NCOA3: variants seen among roughly 807,000 people sequenced by gnomAD.
NCOA3 encodes CBP-interacting protein.
In NCOA3, 51 loss-of-function variants were observed where a neutral mutation model predicts 158.8. The observed-to-expected ratio is 0.32, with a 90% CI of 0.26 to 0.41. NCOA3 has a LOEUF of 0.41. Among genes scored for constraint, NCOA3 ranks in the 10% least tolerant of loss-of-function variants. The pLI is 1.00. For missense variants in NCOA3, 1,510 were observed against 1,746.6 expected (o/e 0.86, Z 2.41); for synonymous variants, 537 against 592.4 (o/e 0.91, Z 1.36).
At chr20:47,579,153 A>G (rs527760147) in intron 1 of NCOA3, among the ~76,000 whole-genome samples, 3 of 152,188 alleles carry the variant, frequency 2.0e-5, no homozygotes. Context: ...ATAAAAACCT[A>G]AAACTAAAAC....
intron 1 of NCOA3, among the ~76,000 whole-genome samples, chr20:47,502,531 C>T (rs1294319968): frequency 1.3e-5 from 2 of 151,942 alleles, no homozygotes; most frequent in Non-Finnish European, 2.9e-5. Flanking sequence ...CTCACTTGGG[C>T]ATTTAAAAAA....
Position 47,651,109 on chromosome 20 carries a change from A to G in NCOA3, c.3779A>G (p.Gln1260Arg), listed in dbSNP as rs759744945. 11 of 1,609,020 alleles carry G rather than the reference A, an allele frequency of 6.8e-6. No individual in the cohort carries two copies. The South Asian group carries it at 1.1e-4, about 16-fold the overall frequency. The change falls in exon 20 of 23, where the codon CAG (glutamine) becomes CGG (arginine). Residue 1260 changes from glutamine to arginine, a missense_variant. Gln to Arg is a conservative substitution (Grantham distance 43). Transcript: ENST00000371998. Reference protein sequence around the residue: ...QQQQQQQQQQQQQQQQQQQQQ... With the variant: ...QQQQQQQQQQRQQQQQQQQQQ... ...CAGCAGCAACAGCAGCAGCAGCAGCAGCAGCAGCAGCAACAGCAACAGCAA... is the reference window on the plus strand; with the variant it reads ...CAGCAGCAACAGCAGCAGCAGCAGCGGCAGCAGCAGCAACAGCAACAGCAA...
Position 47,635,259 on chromosome 20 carries a change from C to A in NCOA3, c.1113-63C>A. On this transcript the variant is annotated intron_variant, in intron 10 of 22. Coordinates refer to ENST00000371998, the MANE Select transcript of NCOA3 (RefSeq NM_181659.3). ...TTTAAAATTTTATTTTATTTTAAAT[C>A]TGATTAAAAGCTTTCATGCATGCTT... The A allele has an allele frequency of 2.1e-6, 3 of 1,450,402 alleles. No individual in the cohort carries two copies. The East Asian group carries it at 6.9e-5, about 33-fold the overall frequency. The allele number at this position is 1,450,402 out of a possible 1,614,324, so 89.8% of individuals were successfully genotyped here. A position where few individuals can be genotyped will look rare whatever the true frequency, so the allele number is the denominator to read the frequency against.
intron 20 of NCOA3, 75 bp downstream of exon 20, chr20:47,651,351 A>C: frequency 6.6e-7 from 1 of 1,519,330 alleles, no homozygotes; most frequent in Non-Finnish European, 8.8e-7. Context: ...CATTTATTGC[A>C]CATGAAAGAC....
At chr20:47,619,083 T>C (rs529885283) in intron 2 of NCOA3, among the ~76,000 whole-genome samples, 1 of 152,346 alleles carries the variant, frequency 6.6e-6, no homozygotes, top group South Asian at 2.1e-4. Context: ...AGGTTGAATG[T>C]TGCTTTTATA....
intron 2 of NCOA3, among the ~76,000 whole-genome samples, chr20:47,600,122 G>GTGTGTA (rs1365619184): frequency 4.0e-5 from 6 of 150,552 alleles, no homozygotes; most frequent in African/African-American, 1.5e-4. Context: ...GTGTGTGTGT[G>GTGTGTA]TGTGTGTGTG....
intron 1 of NCOA3, among the ~76,000 whole-genome samples, chr20:47,527,220 T>G (rs1204344758): frequency 1.3e-5 from 2 of 152,180 alleles, no homozygotes; most frequent in Non-Finnish European, 2.9e-5. Flanking sequence ...TCTAGTACAT[T>G]GTTGAGTAGA....
At chr20:47,524,682 A>G (rs2084398326) in intron 1 of NCOA3, among the ~76,000 whole-genome samples, 1 of 152,228 alleles carries the variant, frequency 6.6e-6, no homozygotes, top group African/African-American at 2.4e-5. Flanking sequence ...CAAAGCCAAA[A>G]GAGGAGGTCC....
chr20:47,610,574 T>G lies in NCOA3; in HGVS notation c.-19-11655T>G, dbSNP rs2086026993. 2.0e-5 allele frequency among the ~76,000 whole-genome samples: 3 copies of G among 152,138 alleles called. No homozygotes were observed. The South Asian group carries it at 6.2e-4, about 31-fold the overall frequency. On this transcript the variant is annotated intron_variant, in intron 2 of 22. Coordinates refer to ENST00000371998, the MANE Select transcript of NCOA3 (RefSeq NM_181659.3). Reference sequence around the variant, plus strand: ...GAATTTAAAGTTATTTAATGATTACTGAAGAGTAATAAGCTGTGAGGTCAG... The same window carrying G: ...GAATTTAAAGTTATTTAATGATTACGGAAGAGTAATAAGCTGTGAGGTCAG...
At position 47,622,283 on chromosome 20, in the gene NCOA3, C is replaced by T. The variant is rs776967951; in HGVS notation, c.36C>T (p.Ala12=). ...SGLGENLDPL[A]SDSRKRKLPC... is the part of the protein sequence containing the mutation. ...TAGGAGAAAACTTGGATCCACTGGC[C>T]AGTGATTCACGAAAACGCAAATTGC... The change falls in exon 3 of 23, where the codon GCC becomes GCT. Residue 12 remains alanine (A), a synonymous_variant. Transcript: ENST00000371998. 8.1e-6 allele frequency: 13 copies of T among 1,606,376 alleles called. No individual in the cohort carries two copies. In the Admixed American group the frequency reaches 1.2e-4, roughly 15 times the overall value.
chr20:47,640,876 A>G (rs1210705026), intron 16 of NCOA3, among the ~76,000 whole-genome samples: 2 of 151,704 alleles, frequency 1.3e-5, no homozygotes, highest in Non-Finnish European at 2.9e-5. Flanking sequence ...CAACAGAGTG[A>G]GACTCCGTCT....
At chr20:47,575,652 T>C (rs2085362111) in intron 1 of NCOA3, among the ~76,000 whole-genome samples, 1 of 152,226 alleles carries the variant, frequency 6.6e-6, no homozygotes, top group Non-Finnish European at 1.5e-5. Context: ...CTGGTTTGGA[T>C]AAGAGCTAAT....
chr20:47,515,028 T>TA (rs60100539), intron 1 of NCOA3, among the ~76,000 whole-genome samples: 10,326 of 145,476 alleles, frequency 0.071, 451 homozygotes, highest in Middle Eastern at 0.16. Context: ...TCATTTGTGT[T>TA]AAAAAAAAAA....
chr20:47,573,792 C>A (rs964963936), intron 1 of NCOA3, among the ~76,000 whole-genome samples: 1 of 152,152 alleles, frequency 6.6e-6, no homozygotes, highest in African/African-American at 2.4e-5. Flanking sequence ...TTTTGAAGTG[C>A]CTTTCTTAGC....
At chr20:47,633,752 T>G in intron 9 of NCOA3, 116 bp downstream of exon 9, 1 of 1,204,834 alleles carries the variant, frequency 8.3e-7, no homozygotes, top group Non-Finnish European at 1.2e-6. Context: ...CTGCCTCAGC[T>G]TCTGAGTAGC....
Position 47,574,150 on chromosome 20 carries a change from G to A in NCOA3, c.-98-9033G>A, listed in dbSNP as rs1228646529. 2.6e-5 allele frequency among the ~76,000 whole-genome samples: 4 copies of A among 152,078 alleles called. No individual in the cohort carries two copies. The South Asian group carries it at 8.3e-4, about 32-fold the overall frequency. ...CATATAGACAAGATAAAAAGGCCAC[G>A]TTTTGCGTTCGTCATACAACCGCTA... is the stretch of plus-strand genomic sequence containing the variant. On this transcript the variant is annotated intron_variant, in intron 1 of 22. Transcript: ENST00000371998.
At position 47,634,118 on chromosome 20, in the gene NCOA3, A is replaced by C; in HGVS notation, c.1035A>C (p.Ala345=). Residue 345 remains alanine, a synonymous_variant, in exon 10 of 23, where the codon GCA becomes GCC. Transcript: ENST00000371998. ...FSLADGTIVT[A]QTKSKLFRNP... ...TGGCTGATGGAACTATAGTGACTGC[A>C]CAGACAAAAAGCAAACTCTTCCGAA... is the stretch of plus-strand genomic sequence containing the variant. The C allele has an allele frequency of 6.2e-7, 1 of 1,614,188 alleles. No individual in the cohort carries two copies. Among genetic ancestry groups the C allele is most frequent in the Non-Finnish European group, 8.5e-7 (1 of 1,180,024 alleles).
intron 6 of NCOA3, 145 bp downstream of exon 6, chr20:47,627,321 G>GT (rs2086338704): frequency 6.7e-6 from 5 of 745,974 alleles, no homozygotes; most frequent in Non-Finnish European, 1.1e-5. Context: ...TTCACATATG[G>GT]AGTCAGTGAA....
chr20:47,652,794 A>G, intron 21 of NCOA3, 137 bp from the exon 22 acceptor site: 1 of 1,082,758 alleles, frequency 9.2e-7, no homozygotes. Flanking sequence ...AATGGATCAC[A>G]GGCTGTCAGG....
Sources: gnomAD v4.1 joint callset for allele counts (sites outside exome capture counted in the v4.1 genomes callset) on GRCh38, gnomAD v4.1.1 for gene constraint, MANE v1.5 for transcripts, NCBI Gene and HGNC (gene_info 2026-07-23, HGNC 2026-07-21) for gene names.